POLR2B: variants seen among roughly 807,000 people sequenced by gnomAD.
POLR2B encodes RNA polymerase II subunit B, also known as DNA-directed RNA polymerase II subunit RPB2.
Under a neutral mutation model 144.6 loss-of-function variants are expected in POLR2B, and 57 were observed. That is an observed-to-expected ratio of 0.39 (90% CI 0.32 to 0.49). The LOEUF is 0.49. POLR2B is among the 20% of genes least tolerant of loss of function. POLR2B has a pLI of 0.83. For missense variants in POLR2B, 595 were observed against 1,467.4 expected, an observed-to-expected ratio of 0.41 and a Z score of 9.71; for synonymous variants, 442 against 469.8, an observed-to-expected ratio of 0.94 and a Z score of 0.77.
In POLR2B at chr4:57,031,122, T is replaced by G. The variant is rs1723908018; in HGVS notation, c.*134T>G. On this transcript the variant is annotated 3_prime_UTR_variant, in exon 25 of 25. Transcript: ENST00000314595. Reference sequence around the variant, plus strand: ...ATTTGTTTAATGATATGCATGCTTTTCTTCTGTAAATATATAATAAATTTT... The same window carrying G: ...ATTTGTTTAATGATATGCATGCTTTGCTTCTGTAAATATATAATAAATTTT... The G allele has an allele frequency of 1.4e-6, 1 of 713,602 alleles. No individual in the cohort carries two copies. Among genetic ancestry groups the G allele is most frequent in the African/African-American group, 1.8e-5 (1 of 55,552 alleles). The allele number at this position is 713,602 out of a possible 1,614,324, so 44.2% of individuals were successfully genotyped here.
intron 2 of POLR2B, among the ~76,000 whole-genome samples, chr4:56,989,363 C>T (rs1400733733): frequency 6.6e-6 from 1 of 152,154 alleles, no homozygotes; most frequent in African/African-American, 2.4e-5. Flanking sequence ...AATTTCTTTC[C>T]CATTATGTGA....
At position 57,023,132 on chromosome 4, in the gene POLR2B, C is replaced by T. The variant is rs1423553036; in HGVS notation, c.2516-198C>T. On this transcript the variant is annotated intron_variant, in intron 18 of 24. Coordinates refer to ENST00000314595, the MANE Select transcript of POLR2B (RefSeq NM_000938.3). The surrounding 1 kb of genome is among the most constrained non-coding windows in gnomAD (Gnocchi z 4.3). Reference sequence around the variant, plus strand: ...CCAGTGCTGATTCCAATGTTCTTTTCCTTCATAGACTTTTTTTTTTGTTTT... The same window carrying T: ...CCAGTGCTGATTCCAATGTTCTTTTTCTTCATAGACTTTTTTTTTTGTTTT... The T allele has an allele frequency of 3.8e-6, 2 of 525,758 alleles. No homozygotes were observed. The highest frequency in any genetic ancestry group is 6.2e-5 in the East Asian group (2 of 32,474). The allele number at this position is 525,758 out of a possible 1,614,324, so 32.6% of individuals were successfully genotyped here.
At chr4:57,026,084 A>G (rs552368125) in intron 23 of POLR2B, among the ~76,000 whole-genome samples, 58 of 152,180 alleles carry the variant, frequency 3.8e-4, no homozygotes, top group African/African-American at 1.3e-3. Flanking sequence ...TAAAAATACA[A>G]AAAATTAGTC....
chr4:57,026,909 T>G (rs572320421), intron 23 of POLR2B, among the ~76,000 whole-genome samples: 1 of 152,374 alleles, frequency 6.6e-6, no homozygotes, highest in Admixed American at 6.5e-5. Context: ...GATTCTTACA[T>G]CTACTTCTGC....
chr4:56,999,565 A>G (rs1722794138), intron 6 of POLR2B, 52 bp from the exon 7 acceptor site: 1 of 1,209,778 alleles, frequency 8.3e-7, no homozygotes, highest in African/African-American at 1.5e-5. Context: ...GTGTTTTTAT[A>G]TTGCTGTGAG....
chr4:57,004,871 A>T (rs1314059244), intron 7 of POLR2B, among the ~76,000 whole-genome samples: 1 of 152,000 alleles, frequency 6.6e-6, no homozygotes, highest in African/African-American at 2.4e-5. Flanking sequence ...TTTAGTAGAG[A>T]TGGGGGTTTC....
intron 6 of POLR2B, among the ~76,000 whole-genome samples, chr4:56,996,236 G>A (rs1316679419): frequency 1.5e-5 from 2 of 136,206 alleles, no homozygotes; most frequent in Admixed American, 7.8e-5. Context: ...GTGTGTGTGT[G>A]TGTATGTATA....
chr4:56,987,936 A>G (rs568410950), intron 2 of POLR2B, among the ~76,000 whole-genome samples: 24 of 151,058 alleles, frequency 1.6e-4, no homozygotes, highest in African/African-American at 4.9e-4. Context: ...AAAAAAAAGT[A>G]TTGAAAGCCA....
chr4:56,996,165 T>G (rs1722668013), intron 6 of POLR2B, among the ~76,000 whole-genome samples: 1 of 151,074 alleles, frequency 6.6e-6, no homozygotes, highest in Non-Finnish European at 1.5e-5. Flanking sequence ...ATTGCTTGAT[T>G]TAATTTTTAC....
chr4:57,000,850 C>G (rs920061582), intron 7 of POLR2B, among the ~76,000 whole-genome samples: 4 of 152,068 alleles, frequency 2.6e-5, no homozygotes, highest in Non-Finnish European at 4.4e-5. Context: ...CACGTGCCAC[C>G]ACGCCCAGCT....
chr4:57,024,511 A>G (rs1487349535), intron 21 of POLR2B, among the ~76,000 whole-genome samples: 1 of 152,208 alleles, frequency 6.6e-6, no homozygotes, highest in Non-Finnish European at 1.5e-5. Context: ...ATAGTCTAAC[A>G]TATGGATGGC....
At chr4:57,009,752 A>G (rs975523812) in intron 10 of POLR2B, 2 of 148,706 alleles carry the variant, frequency 1.3e-5, no homozygotes, top group Non-Finnish European at 1.5e-5. Flanking sequence ...GGAAAGAGGA[A>G]GAAAGTTTGA....
rs1722622191 is a variant in POLR2B at position 56,994,653 on chromosome 4, T to C, written c.363T>C (p.Ser121=). ...TCTACTTTTATTTTCAAAGGTATTC[T>C]GCTCCGCTTTATGTTGATATAACAA... is the stretch of plus-strand genomic sequence containing the variant. ...NEARLRNLTY[S]APLYVDITKT... The change falls in exon 5 of 25, where the codon TCT becomes TCC. Residue 121 remains serine (S), a synonymous_variant. Transcript: ENST00000314595. 6.2e-7 allele frequency: 1 copy of C among 1,602,756 alleles called. No homozygotes were observed. Among genetic ancestry groups the C allele is most frequent in the South Asian group, 1.1e-5 (1 of 90,874 alleles).
intron 7 of POLR2B, among the ~76,000 whole-genome samples, chr4:57,001,407 C>G (rs746369944): frequency 1.3e-5 from 2 of 152,174 alleles, no homozygotes; most frequent in African/African-American, 4.8e-5. Context: ...GAGGGGCAGC[C>G]TGCGTAGGCC....
intron 2 of POLR2B, 101 bp downstream of exon 2, chr4:56,986,527 GTAGT>G (rs1430336188): frequency 1.5e-5 from 10 of 646,258 alleles, no homozygotes; most frequent in Non-Finnish European, 2.8e-5. Flanking sequence ...CTACATGAGA[GTAGT>G]TATTTTATTT....
At chr4:56,979,477 C>G (rs114186446) in intron 1 of POLR2B, among the ~76,000 whole-genome samples, 7 of 151,802 alleles carry the variant, frequency 4.6e-5, no homozygotes, top group Non-Finnish European at 5.9e-5. Flanking sequence ...TCGGTTTAGT[C>G]TGACATTTCT....
In POLR2B at chr4:57,031,006, A is replaced by G. The variant is rs1314064068; in HGVS notation, c.*18A>G. 8 of 1,395,218 alleles carry G rather than the reference A, an allele frequency of 5.7e-6. No individual in the cohort carries two copies. The highest frequency in any genetic ancestry group is 3.3e-5 in the Admixed American group (2 of 59,712). 86.4% of individuals were successfully genotyped at this position (1,395,218 alleles called of 1,614,324 possible). On this transcript the variant is annotated 3_prime_UTR_variant, in exon 25 of 25. Transcript: ENST00000314595. ...GTGTTTAGCTATTTTACAGGAGTCA[A>G]CAAGATAATTAAATATCTTGGTGTC...
At chr4:57,006,602 A>G (rs1039156936) in intron 9 of POLR2B, among the ~76,000 whole-genome samples, 1 of 151,916 alleles carries the variant, frequency 6.6e-6, no homozygotes, top group Non-Finnish European at 1.5e-5. Flanking sequence ...ACCATGCCCC[A>G]CCTCTTTGAC....
chr4:57,009,320 T>C (rs960119975), intron 10 of POLR2B, among the ~76,000 whole-genome samples: 1 of 152,180 alleles, frequency 6.6e-6, no homozygotes, highest in South Asian at 2.1e-4. Context: ...GGTCAAAGGC[T>C]TGGAGGTGAG....
Sources: gnomAD v4.1 joint callset for allele counts (sites outside exome capture counted in the v4.1 genomes callset) on GRCh38, gnomAD v4.1.1 for gene constraint, Gnocchi (gnomAD v3.1) non-coding constraint, MANE v1.5 for transcripts, NCBI Gene and HGNC (gene_info 2026-07-23, HGNC 2026-07-21) for gene names.